The following BRCC3 variants were observed in gnomAD, a reference collection of about 807,000 sequenced individuals.
BRCC3 encodes BRCA1/BRCA2-containing complex subunit 3.
In BRCC3, 15 loss-of-function variants were observed where a neutral mutation model predicts 28.0. The observed-to-expected ratio is 0.54, with a 90% confidence interval of 0.36 to 0.82. The LOEUF (loss-of-function observed/expected upper bound fraction) is 0.82, where lower values mean the gene tolerates loss of function less well. BRCC3 is among the 40% of genes least tolerant of loss of function. The pLI is 0.01. For synonymous variants in BRCC3, 66 were observed against 80.3 expected, an observed-to-expected ratio of 0.82 and a Z score of 0.95; for missense variants, 109 against 225.9, an observed-to-expected ratio of 0.48 and a Z score of 3.32.
intron 3 of BRCC3, among the ~76,000 whole-genome samples, chrX:155,073,770 C>T (rs2074007134): frequency 9.0e-6 from 1 of 111,138 alleles, no homozygotes; most frequent in African/African-American, 3.3e-5. Flanking sequence ...CGAATTCCAA[C>T]ATCTACTCAT....
At chrX:155,079,966 A>G (rs2074073452) in intron 5 of BRCC3, among the ~76,000 whole-genome samples, 1 of 111,716 alleles carries the variant, frequency 9.0e-6, no homozygotes. Flanking sequence ...TACCATTCAT[A>G]TAATAGTATT....
chrX:155,075,430 T>C (rs1438810046), intron 3 of BRCC3, among the ~76,000 whole-genome samples: 1 of 111,693 alleles, frequency 9.0e-6, no homozygotes, highest in Non-Finnish European at 1.9e-5. Context: ...GCTGTTTGAG[T>C]CTAAGCTATA....
At chrX:155,115,471 A>G (rs1329906403) in intron 7 of BRCC3, among the ~76,000 whole-genome samples, 2 of 112,193 alleles carry the variant, frequency 1.8e-5, no homozygotes, top group African/African-American at 6.5e-5. Context: ...AAGTGGGTAG[A>G]GGTAGATTGG....
rs1557292932 is a variant in BRCC3 at position 155,073,448 on chromosome X, T to G, written c.195+17T>G. On this transcript the variant is annotated intron_variant, in intron 3 of 10. Coordinates refer to ENST00000330045, the MANE Select transcript of BRCC3 (RefSeq NM_001018055.3). Reference sequence around the variant, plus strand: ...GCTGAAAAGGTATGTGTGCTAAAATTTTGCATGATGGAAACTTGCAGTTGG... The same window carrying G: ...GCTGAAAAGGTATGTGTGCTAAAATGTTGCATGATGGAAACTTGCAGTTGG... 8.6e-7 allele frequency: 1 copy of G among 1,165,813 alleles called. No individual in the cohort carries two copies. Among genetic ancestry groups the G allele is most frequent in the South Asian group, 1.9e-5 (1 of 52,207 alleles).
At chrX:155,115,434 G>A (rs1317704733) in intron 7 of BRCC3, among the ~76,000 whole-genome samples, 1 of 112,187 alleles carries the variant, frequency 8.9e-6, no homozygotes, top group Admixed American at 9.4e-5. Context: ...CTGCTGGTAG[G>A]TAGAGTTTAG....
chrX:155,099,163 A>G (rs1244553275), intron 7 of BRCC3, among the ~76,000 whole-genome samples: 1 of 108,847 alleles, frequency 9.2e-6, no homozygotes, highest in African/African-American at 3.4e-5. Flanking sequence ...AAAAAATTTA[A>G]ATAAGAAATA....
intron 5 of BRCC3, among the ~76,000 whole-genome samples, chrX:155,084,342 G>A (rs1052218950): frequency 2.7e-5 from 3 of 110,829 alleles, no homozygotes; most frequent in Admixed American, 9.6e-5. Flanking sequence ...CTAGCACTAC[G>A]GTGAGTTCTA....
intron 7 of BRCC3, among the ~76,000 whole-genome samples, chrX:155,109,649 T>G (rs888488084): frequency 2.9e-4 from 32 of 111,848 alleles, no homozygotes; most frequent in African/African-American, 1.0e-3. Context: ...AATGTACTTA[T>G]TAATCCTAAT....
chrX:155,118,299 G>A (rs2074369641), intron 9 of BRCC3, among the ~76,000 whole-genome samples: 1 of 75,985 alleles, frequency 1.3e-5, no homozygotes, highest in African/African-American at 3.7e-5. Flanking sequence ...ATTATGCCAG[G>A]TGAAGGAAGC....
At chrX:155,108,042 GTGAAACTGTAC>G (rs1434154023) in intron 7 of BRCC3, among the ~76,000 whole-genome samples, 2 of 111,918 alleles carry the variant, frequency 1.8e-5, no homozygotes, top group African/African-American at 6.5e-5. Flanking sequence ...GTGAACGCCT[GTGAAACTGTAC>G]TACATATCAA....
At chrX:155,097,599 T>C (rs2074218687) in intron 7 of BRCC3, among the ~76,000 whole-genome samples, 1 of 112,238 alleles carries the variant, frequency 8.9e-6, no homozygotes, top group African/African-American at 3.2e-5. Flanking sequence ...AAAGGTGTTT[T>C]AAAAAACCAG....
chrX:155,098,342 G>A (rs2074224300), intron 7 of BRCC3, among the ~76,000 whole-genome samples: 1 of 112,134 alleles, frequency 8.9e-6, no homozygotes, highest in South Asian at 3.6e-4. Flanking sequence ...ATTTAGAAGT[G>A]CATTTAAAAA....
At position 155,089,269 on chromosome X, in the gene BRCC3, G is replaced by T. The variant is rs1557295315; in HGVS notation, c.410G>T (p.Arg137Leu). Reference sequence around the variant, plus strand: ...AATTTTCATTTATTTTCAGATGTTCGCACACAAGCCATGTACCAGATGATG... The same window carrying T: ...AATTTTCATTTATTTTCAGATGTTCTCACACAAGCCATGTACCAGATGATG... ...ITVWPSHVDVRTQAMYQMMDQ... is the reference protein window; with the variant it reads ...ITVWPSHVDVLTQAMYQMMDQ... Residue 137 changes from arginine to leucine, a missense_variant, in exon 6 of 11, where the codon CGC (arginine) becomes CTC (leucine). By Grantham distance (102) the Arg-to-Leu change is moderately radical. Around this residue, in one of 3 missense-constraint regions of BRCC3, gnomAD observed 50 missense variants for 115.2 expected, o/e 0.43. Coordinates refer to ENST00000330045, the MANE Select transcript of BRCC3 (RefSeq NM_001018055.3). 2 of 1,169,651 alleles carry T rather than the reference G, an allele frequency of 1.7e-6. No homozygotes were observed.
intron 7 of BRCC3, among the ~76,000 whole-genome samples, chrX:155,104,252 A>G (rs1557297209): frequency 1.8e-5 from 2 of 111,505 alleles, no homozygotes; most frequent in African/African-American, 6.5e-5. Context: ...GGATGCAGAC[A>G]CTGTGAATTT....
At chrX:155,087,000 G>A (rs782201870) in intron 5 of BRCC3, among the ~76,000 whole-genome samples, 1 of 112,076 alleles carries the variant, frequency 8.9e-6, no homozygotes, top group Non-Finnish European at 1.9e-5. Context: ...GGTAGATAGC[G>A]TTGTGTTTGG....
chrX:155,079,196 G>A (rs1485589165), intron 5 of BRCC3, among the ~76,000 whole-genome samples: 1 of 111,706 alleles, frequency 9.0e-6, no homozygotes, highest in Non-Finnish European at 1.9e-5. Context: ...CTTGGGGAGA[G>A]TGAACTAATA....
At chrX:155,105,408 G>A (rs965195696) in intron 7 of BRCC3, among the ~76,000 whole-genome samples, 24 of 111,514 alleles carry the variant, frequency 2.2e-4, no homozygotes, top group Admixed American at 8.5e-4. Context: ...GCTTGAACCC[G>A]GGAGGCGGAG....
chrX:155,086,235 G>C (rs1444913422), intron 5 of BRCC3, among the ~76,000 whole-genome samples: 1 of 111,600 alleles, frequency 9.0e-6, no homozygotes, highest in Non-Finnish European at 1.9e-5. Flanking sequence ...GGCCATATCT[G>C]GTCAGAAGGC....
intron 3 of BRCC3, among the ~76,000 whole-genome samples, chrX:155,074,572 C>G (rs1430132247): frequency 8.9e-6 from 1 of 111,851 alleles, no homozygotes; most frequent in Non-Finnish European, 1.9e-5. Context: ...ACTCATTCCT[C>G]TTAGGCACTG....
Sources: gnomAD v4.1 joint callset for allele counts (sites outside exome capture counted in the v4.1 genomes callset) on GRCh38, gnomAD v4.1.1 for gene constraint, gnomAD v4.1.1 regional missense constraint, MANE v1.5 for transcripts, NCBI Gene and HGNC (gene_info 2026-07-23, HGNC 2026-07-21) for gene names.